Variants in CORO1A observed in about 807,000 individuals in gnomAD.
The protein encoded by CORO1A is coronin 1A.
A neutral mutation model predicts 44.1 loss-of-function variants in CORO1A; 17 were observed. The ratio of observed to expected loss-of-function variants is 0.39; its 90% CI spans 0.26 to 0.58. CORO1A has a LOEUF of 0.58. CORO1A is among the 20% of genes least tolerant of loss of function. The probability of loss-of-function intolerance (pLI) is 0.62; values close to 1 mark genes in which losing one functional copy is unlikely to be tolerated. For missense variants in CORO1A, 415 were observed against 606.5 expected (o/e 0.68, Z 3.32); for synonymous variants, 271 against 244.2 (o/e 1.11, Z -1.02).
intron 1 of CORO1A, 168 bp from the exon 2 acceptor site, chr16:30,185,041 C>A: frequency 1.4e-6 from 1 of 705,734 alleles, no homozygotes. Context: ...GAAGGAGAGG[C>A]TGGGGAAGGC....
chr16:30,187,120 C>T lies in CORO1A; in HGVS notation c.533C>T (p.Thr178Met), dbSNP rs551747429. 1.5e-5 allele frequency: 25 copies of T among 1,614,094 alleles called. No homozygotes were observed. In the Admixed American group the frequency reaches 2.7e-4, roughly 17 times the overall value. ...LTLGPEVHPD[T>M]IYSVDWSRDG... ...CTGGGCCCAGAGGTGCACCCAGACA[C>T]GATCTACAGTGTGGACTGGAGCCGA... The change falls in exon 5 of 11, where the codon ACG becomes ATG. Residue 178 changes from threonine to methionine, a missense_variant. Around this residue, in one of 2 missense-constraint regions of CORO1A, gnomAD observed 325 missense variants for 521.7 expected, o/e 0.62. Coordinates refer to ENST00000219150, the MANE Select transcript of CORO1A (RefSeq NM_007074.4).
chr16:30,188,273 G>T (rs927978067), intron 9 of CORO1A, 24 bp downstream of exon 9: 3 of 1,613,348 alleles, frequency 1.9e-6, no homozygotes, highest in Non-Finnish European at 2.5e-6. Context: ...GCCCCACCCT[G>T]GGCTCCAGGC....
intron 2 of CORO1A, 80 bp from the exon 3 acceptor site, chr16:30,186,518 G>A (rs2073335965): frequency 6.4e-7 from 1 of 1,553,994 alleles, no homozygotes; most frequent in Non-Finnish European, 8.9e-7. Flanking sequence ...TTCCTCTCTG[G>A]GCCTCTCTGA....
chr16:30,188,566 C>G lies in CORO1A; in HGVS notation c.1271C>G (p.Thr424Ser). ...AGGGCAGCACCAGAGGCCAGTGGCA[C>G]TCCCAGCTCGGTGAGAGGGCTGGGA... ...RRRAAPEASG[T>S]PSSDAVSRLE... The change falls in exon 10 of 11, where the codon ACT (threonine) becomes AGT (serine). Residue 424 changes from threonine to serine, a missense_variant. Physicochemically the swap from Thr to Ser is moderately conservative, Grantham distance 58. Around this residue, in one of 2 missense-constraint regions of CORO1A, gnomAD observed 90 missense variants for 84.7 expected, o/e 1.06. Transcript: ENST00000219150. 1 of 1,603,204 alleles carries G rather than the reference C, an allele frequency of 6.2e-7. No homozygotes were observed. The highest frequency in any genetic ancestry group is 8.5e-7 in the Non-Finnish European group (1 of 1,175,896).
At chr16:30,185,733 G>A in intron 2 of CORO1A, 1 of 403,994 alleles carries the variant, frequency 2.5e-6, no homozygotes, top group East Asian at 5.0e-5. Context: ...ATGGGGTCTG[G>A]GGGCCCTGGC....
rs777208854 is a variant in CORO1A, at chr16:30,188,222, G to A, written c.1038G>A (p.Glu346=). 27 of 1,614,016 alleles carry A rather than the reference G, an allele frequency of 1.7e-5. No homozygotes were observed. In the East Asian group the frequency reaches 5.1e-4, roughly 31 times the overall value. The change falls in exon 9 of 11, where the codon GAG becomes GAA. Residue 346 remains glutamate, a synonymous_variant. Transcript: ENST00000219150. ...ACAAGCTGCACGAGCGGAGGTGTGA[G>A]CCCATTGCCATGACAGTGCCTCGAA... is the stretch of plus-strand genomic sequence containing the variant. ...RFYKLHERRC[E]PIAMTVPRKS... is the part of the protein sequence containing the mutation.
chr16:30,184,986 C>T lies in CORO1A; in HGVS notation c.-1-223C>T. 3.2e-6 allele frequency: 2 copies of T among 617,440 alleles called. No homozygotes were observed. Among genetic ancestry groups the T allele is most frequent in the South Asian group, 3.7e-5 (2 of 53,766 alleles). 38.2% of individuals were successfully genotyped at this position (617,440 alleles called of 1,614,324 possible). On this transcript the variant is annotated intron_variant, in intron 1 of 10. Transcript: ENST00000219150. The surrounding 1 kb of genome is among the most constrained non-coding windows in gnomAD (Gnocchi z 4.3). ...GAGGGTACAGATTGAGAGGGTGGCTCAGAGTGGCCTGGGGCCAGGGAGAAG... is the reference window on the plus strand; with the variant it reads ...GAGGGTACAGATTGAGAGGGTGGCTTAGAGTGGCCTGGGGCCAGGGAGAAG...
At chr16:30,187,868 G>A in intron 7 of CORO1A, 39 bp downstream of exon 7, 1 of 1,604,386 alleles carries the variant, frequency 6.2e-7, no homozygotes, top group Non-Finnish European at 8.5e-7. Flanking sequence ...GAGGTGGGCA[G>A]GATGGGCCTG....
In CORO1A at chr16:30,185,201, G is replaced by A. The variant is rs1320702143; in HGVS notation, c.-1-8G>A. ...AGGGAGAAATGCTCTTATGCTGTGTGCCCCCAGAATGAGCCGGCAGGTGGT... is the reference window on the plus strand; with the variant it reads ...AGGGAGAAATGCTCTTATGCTGTGTACCCCCAGAATGAGCCGGCAGGTGGT... On this transcript the variant is annotated splice_polypyrimidine_tract_variant and splice_region_variant and intron_variant, in intron 1 of 10. Coordinates refer to ENST00000219150, the MANE Select transcript of CORO1A (RefSeq NM_007074.4). 1.2e-6 allele frequency: 2 copies of A among 1,613,882 alleles called. No homozygotes were observed. The highest frequency in any genetic ancestry group is 4.5e-5 in the East Asian group (2 of 44,886).
In CORO1A at chr16:30,184,868, A is replaced by T. The variant is rs1232868567; in HGVS notation, c.-1-341A>T. 2.4e-6 allele frequency: 1 copy of T among 422,200 alleles called. No individual in the cohort carries two copies. The highest frequency in any genetic ancestry group is 4.4e-6 in the Non-Finnish European group (1 of 224,844). 26.2% of individuals were successfully genotyped at this position (422,200 alleles called of 1,614,324 possible). A position where few individuals can be genotyped will look rare whatever the true frequency, so the allele number is the denominator to read the frequency against. The stretch of plus-strand genomic sequence containing the variant: ...TCTGGGCTGATGACGCCTGAGTCTG[A>T]ACCATTAGGAAGGACGGGCTCTGCA... On this transcript the variant is annotated intron_variant, in intron 1 of 10. Transcript: ENST00000219150. The surrounding 1 kb of genome is among the most constrained non-coding windows in gnomAD (Gnocchi z 4.3).
At chr16:30,187,865 G>GGGGGGGGGGGGGGGGGC (rs1596920644) in intron 7 of CORO1A, 36 bp downstream of exon 7, 6 of 513,316 alleles carry the variant, frequency 1.2e-5, no homozygotes, top group South Asian at 3.0e-5. Context: ...TGGGAGGTGG[G>GGGGGGGGGGGGGGGGGC]CAGGATGGGC....
In CORO1A at chr16:30,186,621, G is replaced by A. The variant is rs747607776; in HGVS notation, c.222G>A (p.Ala74=). The A allele has an allele frequency of 5.6e-6, 9 of 1,612,428 alleles. No homozygotes were observed. Among genetic ancestry groups the A allele is most frequent in the African/African-American group, 5.3e-5 (4 of 74,874 alleles). Residue 74 remains alanine (A), a synonymous_variant, in exon 3 of 11, where the codon GCG becomes GCA. Transcript: ENST00000219150. The part of the protein sequence containing the change: ...LGKTGRVDKN[A]PTVCGHTAPV... ...AGACTGGACGTGTGGACAAGAATGC[G>A]CCCACGGTCTGTGGCCACACAGCCC...
At position 30,188,000 on chromosome 16, in the gene CORO1A, T is replaced by G; in HGVS notation, c.920T>G (p.Leu307Arg). The change falls in exon 8 of 11, where the codon CTC (leucine) becomes CGC (arginine). Residue 307 changes from leucine to arginine, a missense_variant. By Grantham distance (102) the Leu-to-Arg change is moderately radical (BLOSUM62 -2). This residue lies in a region of CORO1A where 325 missense variants were observed against 521.7 expected (regional missense o/e 0.62). Coordinates refer to ENST00000219150, the MANE Select transcript of CORO1A (RefSeq NM_007074.4). ...TCCGAGGCCCCTTTCCTGCACTATCTCTCCATGTTCAGTTCCAAGGAGTCC... is the reference window on the plus strand; with the variant it reads ...TCCGAGGCCCCTTTCCTGCACTATCGCTCCATGTTCAGTTCCAAGGAGTCC... Reference protein sequence around the residue: ...ITSEAPFLHYLSMFSSKESQR... With the variant: ...ITSEAPFLHYRSMFSSKESQR... 2.5e-6 allele frequency: 4 copies of G among 1,613,848 alleles called. No individual in the cohort carries two copies. The highest frequency in any genetic ancestry group is 3.4e-6 in the Non-Finnish European group (4 of 1,179,884).
At chr16:30,187,696 G>C in intron 6 of CORO1A, 29 bp from the exon 7 acceptor site, 1 of 1,559,478 alleles carries the variant, frequency 6.4e-7, no homozygotes, top group Non-Finnish European at 8.8e-7. Flanking sequence ...CCCAGGGCCT[G>C]GGATGTTACC....
chr16:30,185,420 G>C lies in CORO1A; in HGVS notation c.198+13G>C, dbSNP rs1255456244. 3.1e-6 allele frequency: 5 copies of C among 1,610,426 alleles called. No homozygotes were observed. The African/African-American group carries it at 6.7e-5, about 21-fold the overall frequency. ...GCCCCTGGGCAAGGTGAGCCCCTGG[G>C]GCCCTGGGGGGAGCAGCTCCTCCAC... On this transcript the variant is annotated intron_variant, in intron 2 of 10. Transcript: ENST00000219150.
At position 30,183,978 on chromosome 16, in the gene CORO1A, C is replaced by A. The variant is rs1306557132; in HGVS notation, c.-2+253C>A. 1 of 148,198 alleles carries A rather than the reference C, an allele frequency of 6.7e-6. No individual in the cohort carries two copies. The highest frequency in any genetic ancestry group is 2.0e-4 in the East Asian group (1 of 4,908). The allele number at this position is 148,198 out of a possible 1,614,324, so 9.2% of individuals were successfully genotyped here. A position where few individuals can be genotyped will look rare whatever the true frequency, so the allele number is the denominator to read the frequency against. On this transcript the variant is annotated intron_variant, in intron 1 of 10. Coordinates refer to ENST00000219150, the MANE Select transcript of CORO1A (RefSeq NM_007074.4). This position sits in a 1 kb window ranked among gnomAD's most constrained non-coding sequence, Gnocchi z 5.0. Reference sequence around the variant, plus strand: ...AAGATGGAGGTGGGTGGCCGGGGGTCAGCACAGTGTCGAGGGCCCGACTCC... The same window carrying A: ...AAGATGGAGGTGGGTGGCCGGGGGTAAGCACAGTGTCGAGGGCCCGACTCC...
chr16:30,185,421 G>A lies in CORO1A; in HGVS notation c.198+14G>A, dbSNP rs1343040017. On this transcript the variant is annotated intron_variant, in intron 2 of 10. Transcript: ENST00000219150. ...CCCCTGGGCAAGGTGAGCCCCTGGGGCCCTGGGGGGAGCAGCTCCTCCACC... is the reference window on the plus strand; with the variant it reads ...CCCCTGGGCAAGGTGAGCCCCTGGGACCCTGGGGGGAGCAGCTCCTCCACC... 1 of 1,609,656 alleles carries A rather than the reference G, an allele frequency of 6.2e-7. No homozygotes were observed. Among genetic ancestry groups the A allele is most frequent in the African/African-American group, 1.3e-5 (1 of 74,886 alleles).
At chr16:30,186,416 G>T in intron 2 of CORO1A, 182 bp from the exon 3 acceptor site, 1 of 698,628 alleles carries the variant, frequency 1.4e-6, no homozygotes, top group Non-Finnish European at 2.5e-6. Flanking sequence ...CCTGGGGTTT[G>T]CCCAGGCCAT....
In CORO1A at chr16:30,188,843, C is replaced by T; in HGVS notation, c.1282-17C>T. The T allele has an allele frequency of 2.4e-6, 1 of 423,998 alleles. No homozygotes were observed. Among genetic ancestry groups the T allele is most frequent in the Non-Finnish European group, 4.0e-6 (1 of 247,574 alleles). The allele number at this position is 423,998 out of a possible 1,614,324, so 26.3% of individuals were successfully genotyped here. A position where few individuals can be genotyped will look rare whatever the true frequency, so the allele number is the denominator to read the frequency against. On this transcript the variant is annotated splice_polypyrimidine_tract_variant and intron_variant, in intron 10 of 10. Coordinates refer to ENST00000219150, the MANE Select transcript of CORO1A (RefSeq NM_007074.4). ...AGCCAGGGAGGAGCTGGGCCTAATG[C>T]AGCACCGGGTCCCCAGGATGCCGTG...
Sources: gnomAD v4.1 joint callset for allele counts on GRCh38, gnomAD v4.1.1 for gene constraint, gnomAD v4.1.1 regional missense constraint, Gnocchi (gnomAD v3.1) non-coding constraint, MANE v1.5 for transcripts, NCBI Gene and HGNC (gene_info 2026-07-23, HGNC 2026-07-21) for gene names.